NOL4: variants seen among roughly 807,000 people sequenced by gnomAD.
NOL4 encodes the protein cancer/testis antigen 125.
In NOL4, 17 loss-of-function variants were observed where a neutral mutation model predicts 75.9. The observed-to-expected ratio is 0.22, with a 90% CI of 0.15 to 0.34. The LOEUF (loss-of-function observed/expected upper bound fraction) is 0.34, where lower values mean the gene tolerates loss of function less well. Among genes scored for constraint, NOL4 ranks in the 10% least tolerant of loss-of-function variants. NOL4 has a pLI of 1.00. For missense variants in NOL4, 614 were observed against 793.5 expected (o/e 0.77, Z 2.72); for synonymous variants, 292 against 289.9 (o/e 1.01, Z -0.07).
chr18:34,190,814 T>C (rs1008203504), intron 1 of NOL4, among the ~76,000 whole-genome samples: 1 of 151,934 alleles, frequency 6.6e-6, no homozygotes, highest in East Asian at 1.9e-4. Flanking sequence ...AAAAAGTACA[T>C]TAATGTTATT....
intron 5 of NOL4, among the ~76,000 whole-genome samples, chr18:34,075,793 C>A (rs776253134): frequency 3.3e-5 from 5 of 152,166 alleles, no homozygotes; most frequent in Non-Finnish European, 7.3e-5. Context: ...CGAGTACATT[C>A]ATATATTCTA....
chr18:34,205,021 T>C (rs2036022347), intron 1 of NOL4, among the ~76,000 whole-genome samples: 1 of 152,186 alleles, frequency 6.6e-6, no homozygotes, highest in Non-Finnish European at 1.5e-5. Flanking sequence ...GTCCTTTCTC[T>C]AAACCAGATT....
At chr18:34,130,416 G>A (rs527920221) in intron 1 of NOL4, among the ~76,000 whole-genome samples, 7 of 151,818 alleles carry the variant, frequency 4.6e-5, no homozygotes, top group African/African-American at 1.2e-4. Context: ...TTGAGTTGCT[G>A]GGCCCTGGAA....
chr18:34,167,940 A>T (rs994255444), intron 1 of NOL4, among the ~76,000 whole-genome samples: 9 of 152,098 alleles, frequency 5.9e-5, no homozygotes, highest in African/African-American at 2.2e-4. Flanking sequence ...CAGTGCACTA[A>T]ATCTCTTTTT....
chr18:33,861,423 G>C (rs959182780), intron 10 of NOL4, among the ~76,000 whole-genome samples: 3 of 152,180 alleles, frequency 2.0e-5, no homozygotes, highest in African/African-American at 7.2e-5. Flanking sequence ...TATTTGTGTA[G>C]AGGTGTTTGT....
chr18:33,958,442 T>G, intron 6 of NOL4, 24 bp from the exon 7 acceptor site: 1 of 1,567,776 alleles, frequency 6.4e-7, no homozygotes, highest in Non-Finnish European at 8.7e-7. Flanking sequence ...GTGAAATAAC[T>G]GCTTTTAAAT....
At chr18:34,209,416 C>G (rs2036360610) in intron 1 of NOL4, among the ~76,000 whole-genome samples, 1 of 151,882 alleles carries the variant, frequency 6.6e-6, no homozygotes, top group Non-Finnish European at 1.5e-5. Context: ...TTAAAATAAT[C>G]CATTCATTAG....
At chr18:33,861,351 G>T (rs1310820499) in intron 10 of NOL4, among the ~76,000 whole-genome samples, 2 of 152,124 alleles carry the variant, frequency 1.3e-5, no homozygotes, top group Non-Finnish European at 2.9e-5. Flanking sequence ...CTTCTTCCTG[G>T]TTTAGTCTTG....
At chr18:34,081,898 A>G (rs1462145560) in intron 5 of NOL4, among the ~76,000 whole-genome samples, 1 of 152,156 alleles carries the variant, frequency 6.6e-6, no homozygotes, top group Non-Finnish European at 1.5e-5. Flanking sequence ...GAACAAACAG[A>G]ATTTAGGTTT....
intron 5 of NOL4, among the ~76,000 whole-genome samples, chr18:34,038,814 C>A (rs1014955770): frequency 6.6e-6 from 1 of 151,862 alleles, no homozygotes; most frequent in African/African-American, 2.4e-5. Flanking sequence ...AAAACAAGTT[C>A]TAATGTTTGA....
chr18:34,021,295 G>A (rs768832773), intron 5 of NOL4, among the ~76,000 whole-genome samples: 22 of 152,208 alleles, frequency 1.4e-4, no homozygotes, highest in Non-Finnish European at 2.9e-4. Context: ...GGTGATATGA[G>A]TTGAATTCTC....
chr18:34,114,026 A>C (rs182201328), intron 2 of NOL4, among the ~76,000 whole-genome samples: 37 of 152,366 alleles, frequency 2.4e-4, no homozygotes, highest in Admixed American at 2.2e-3. Context: ...GTTGCAAATA[A>C]AACCTAGAAG....
At chr18:34,077,208 T>C (rs1600501579) in intron 5 of NOL4, among the ~76,000 whole-genome samples, 1 of 152,150 alleles carries the variant, frequency 6.6e-6, no homozygotes, top group South Asian at 2.1e-4. Flanking sequence ...CCTGGGAGGC[T>C]GAGGTGGAAG....
At chr18:34,013,807 CT>C (rs957043364) in intron 6 of NOL4, among the ~76,000 whole-genome samples, 13 of 151,206 alleles carry the variant, frequency 8.6e-5, no homozygotes, top group East Asian at 7.8e-4. Flanking sequence ...GATAGAGACT[CT>C]TTTTTTTTAA....
intron 6 of NOL4, among the ~76,000 whole-genome samples, chr18:33,959,781 A>T (rs1036319825): frequency 2.0e-5 from 3 of 152,096 alleles, no homozygotes; most frequent in African/African-American, 7.2e-5. Flanking sequence ...ATTATCCTCC[A>T]GATTCTACAG....
At chr18:33,999,067 C>A (rs2073497794) in intron 6 of NOL4, among the ~76,000 whole-genome samples, 1 of 151,696 alleles carries the variant, frequency 6.6e-6, no homozygotes, top group South Asian at 2.1e-4. Context: ...GCAACTCCCT[C>A]ATTTTTATGA....
At chr18:34,194,456 G>GC (rs1287630649) in intron 1 of NOL4, among the ~76,000 whole-genome samples, 3 of 146,492 alleles carry the variant, frequency 2.0e-5, no homozygotes, top group African/African-American at 7.4e-5. Flanking sequence ...AGGAAGGAAG[G>GC]AAGGCAGGCA....
At position 33,951,457 on chromosome 18, in the gene NOL4, TA is replaced by T. The variant is rs911980429; in HGVS notation, c.1428+5868del. Among the ~76,000 whole-genome samples the T allele has an allele frequency of 1.0e-3, 158 of 152,234 alleles. 1 individual carries two copies. Among genetic ancestry groups the T allele is most frequent in the African/African-American group, 3.6e-3 (150 of 41,556 alleles). Reference sequence around the variant, plus strand: ...TAATATCCCTAGGTATGAGTTTTTTTAAAAAAAATGTATACTGTTTAGGACT... The same window carrying T: ...TAATATCCCTAGGTATGAGTTTTTTTAAAAAAATGTATACTGTTTAGGACT... On this transcript the variant is annotated intron_variant, in intron 8 of 10. Transcript: ENST00000261592.
chr18:34,069,846 G>A (rs1210368058), intron 5 of NOL4, among the ~76,000 whole-genome samples: 2 of 152,144 alleles, frequency 1.3e-5, no homozygotes, highest in African/African-American at 4.8e-5. Context: ...GTCCCAAATG[G>A]CTAAGACTTG....
Sources: gnomAD v4.1 joint callset for allele counts (sites outside exome capture counted in the v4.1 genomes callset) on GRCh38, gnomAD v4.1.1 for gene constraint, MANE v1.5 for transcripts, NCBI Gene and HGNC (gene_info 2026-07-23, HGNC 2026-07-21) for gene names.